The following HS1BP3 variants were observed in gnomAD, a reference collection of about 807,000 sequenced individuals.
HS1BP3 encodes HCLS1 binding protein 3.
HS1BP3 carries 32 observed loss-of-function variants against 33.5 expected under a neutral mutation model. The observed-to-expected ratio is 0.95, with a 90% CI of 0.72 to 1.28. The LOEUF is 1.28. Ranked by LOEUF, HS1BP3 falls within the 50% of genes most tolerant of loss-of-function variation. HS1BP3 has a pLI of 0.00. For missense variants in HS1BP3, 486 were observed against 502.3 expected (o/e 0.97, Z 0.31); for synonymous variants, 187 against 209.2 (o/e 0.89, Z 0.92).
At chr2:20,640,813 C>T (rs1270005631) in intron 3 of HS1BP3, 160 bp downstream of exon 3, 1 of 698,096 alleles carries the variant, frequency 1.4e-6, no homozygotes, top group Non-Finnish European at 2.5e-6. Flanking sequence ...TTCTGCCCAC[C>T]ATCCAGCCAA....
chr2:20,631,516 CAAAAAAAAA>C (rs529653146), intron 4 of HS1BP3, among the ~76,000 whole-genome samples: 10 of 63,184 alleles, frequency 1.6e-4, no homozygotes, highest in African/African-American at 6.2e-4. Context: ...GAACCTGTCT[CAAAAAAAAA>C]AAAAAAAAAA....
rs200499318 is a variant in HS1BP3 at position 20,645,332 on chromosome 2, C to T, written c.198+8G>A. On this transcript the variant is annotated splice_region_variant and intron_variant, in intron 2 of 6. Coordinates refer to ENST00000304031, the MANE Select transcript of HS1BP3 (RefSeq NM_022460.4). The stretch of plus-strand genomic sequence containing the variant: ...CTCGAAACATCCTGGCCAGAGCCTC[C>T]GGCTCACCAAGAACTGGACGACATC... The T allele has an allele frequency of 2.9e-4, 470 of 1,612,038 alleles. 1 individual carries two copies. The highest frequency in any genetic ancestry group is 5.6e-4 in the South Asian group (51 of 90,828).
At chr2:20,631,955 C>T (rs1420495206) in intron 4 of HS1BP3, among the ~76,000 whole-genome samples, 2 of 152,228 alleles carry the variant, frequency 1.3e-5, no homozygotes, top group Non-Finnish European at 2.9e-5. Flanking sequence ...AGACCACAGC[C>T]TCTGCAGCAG....
chr2:20,606,509 A>C (rs1394290752), intron 2 of HS1BP3: 1 of 467,006 alleles, frequency 2.1e-6, no homozygotes, highest in Non-Finnish European at 4.3e-6. Flanking sequence ...TTTGTCAAAC[A>C]AAACTAAGTT....
chr2:20,624,018 A>G lies in HS1BP3; in HGVS notation c.798T>C (p.Phe266=). 6.2e-7 allele frequency: 1 copy of G among 1,612,112 alleles called. No individual in the cohort carries two copies. The change falls in exon 6 of 7, where the codon TTT becomes TTC. Residue 266 remains phenylalanine (F), a synonymous_variant. Transcript: ENST00000304031. ...DVSSVDPLKL[F]DDPDLGGAIP... is the part of the protein sequence containing the mutation. ...TGGCCCCGCCGAGGTCAGGATCATC[A>G]AATAGCTTCAGGGCTGTGGGAAGGC...
intron 2 of HS1BP3, among the ~76,000 whole-genome samples, chr2:20,609,421 A>G (rs943896224): frequency 6.8e-6 from 1 of 147,422 alleles, no homozygotes; most frequent in African/African-American, 2.5e-5. Context: ...CTCCTCCAGG[A>G]AAAGGCCTGT....
chr2:20,605,355 G>T (rs2149284281), intron 2 of HS1BP3, among the ~76,000 whole-genome samples: 1 of 152,166 alleles, frequency 6.6e-6, no homozygotes, highest in South Asian at 2.1e-4. Flanking sequence ...TGACTCCAAG[G>T]CCTCGGCCTG....
intron 2 of HS1BP3, among the ~76,000 whole-genome samples, chr2:20,607,958 G>A (rs563153942): frequency 1.3e-5 from 2 of 152,256 alleles, no homozygotes; most frequent in East Asian, 3.9e-4. Context: ...CAATGTTCAA[G>A]TCTTCCCCTC....
chr2:20,575,250 G>A (rs547393145), intron 5 of HS1BP3, among the ~76,000 whole-genome samples: 2 of 152,208 alleles, frequency 1.3e-5, no homozygotes, highest in African/African-American at 4.8e-5. Flanking sequence ...CTCGTTCCAA[G>A]GGTGAGGAGC....
downstream of HS1BP3, among the ~76,000 whole-genome samples, chr2:20,613,628 T>C (rs1331362454): frequency 6.6e-6 from 1 of 152,230 alleles, no homozygotes; most frequent in East Asian, 1.9e-4. Flanking sequence ...CAGCTTTTGA[T>C]AGAGAGAATT....
At chr2:20,634,002 C>T (rs1292245358) in intron 4 of HS1BP3, among the ~76,000 whole-genome samples, 1 of 152,240 alleles carries the variant, frequency 6.6e-6, no homozygotes, top group Non-Finnish European at 1.5e-5. Context: ...TGCACAGGTG[C>T]AGGGTGAGGT....
At chr2:20,624,103 C>T in intron 5 of HS1BP3, 72 bp from the exon 6 acceptor site, 1 of 1,540,680 alleles carries the variant, frequency 6.5e-7, no homozygotes, top group Non-Finnish European at 8.7e-7. Flanking sequence ...TCTCTCTCTG[C>T]CCCACCCCAG....
chr2:20,620,795 C>G (rs917210677), intron 6 of HS1BP3, among the ~76,000 whole-genome samples: 2 of 152,242 alleles, frequency 1.3e-5, no homozygotes, highest in African/African-American at 4.8e-5. Context: ...GTACTGATGT[C>G]TACTGACAGC....
At position 20,641,094 on chromosome 2, in the gene HS1BP3, C is replaced by T; in HGVS notation, c.285G>A (p.Arg95=). ...CAGACTCCCCAACAAACAGGACCTT[C>T]CTGGGTAGTGGGGGGAGGCTGGCTG... ...YAAASLPPLP[R]KVLFVGESDI... Residue 95 remains arginine (R), a synonymous_variant, in exon 3 of 7, where the codon AGG becomes AGA. Coordinates refer to ENST00000304031, the MANE Select transcript of HS1BP3 (RefSeq NM_022460.4). 1 of 1,613,928 alleles carries T rather than the reference C, an allele frequency of 6.2e-7. No individual in the cohort carries two copies. Among genetic ancestry groups the T allele is most frequent in the Non-Finnish European group, 8.5e-7 (1 of 1,180,018 alleles).
intron 6 of HS1BP3, among the ~76,000 whole-genome samples, 164 bp from the exon 7 acceptor site, chr2:20,619,409 C>T (rs1558337205): frequency 6.6e-6 from 1 of 152,186 alleles, no homozygotes; most frequent in East Asian, 1.9e-4. Context: ...ACTCTGGCCC[C>T]TCCACCCATC....
chr2:20,577,932 C>A (rs1693440364), intron 5 of HS1BP3, among the ~76,000 whole-genome samples: 1 of 152,250 alleles, frequency 6.6e-6, no homozygotes, highest in Non-Finnish European at 1.5e-5. Context: ...TGCCTCAGGG[C>A]ACTCGTTCCT....
chr2:20,587,430 A>G (rs1249055422), intron 5 of HS1BP3, among the ~76,000 whole-genome samples: 2 of 152,080 alleles, frequency 1.3e-5, no homozygotes, highest in Non-Finnish European at 2.9e-5. Flanking sequence ...TCTCCTGAGG[A>G]TGGTAGGGAT....
intron 2 of HS1BP3, among the ~76,000 whole-genome samples, chr2:20,642,961 G>A (rs1695403579): frequency 6.6e-6 from 1 of 152,170 alleles, no homozygotes; most frequent in Non-Finnish European, 1.5e-5. Context: ...CCCCTCCTGC[G>A]GCTGTTTTAC....
intron 4 of HS1BP3, among the ~76,000 whole-genome samples, chr2:20,625,305 A>C (rs1347932108): frequency 6.6e-6 from 1 of 152,240 alleles, no homozygotes; most frequent in East Asian, 1.9e-4. Context: ...GCTGCCAGAC[A>C]ACCCCAGCTC....
Sources: allele counts gnomAD v4.1 joint callset (sites outside exome capture counted in the v4.1 genomes callset), GRCh38; gene constraint gnomAD v4.1.1; transcripts MANE v1.5; gene names NCBI Gene and HGNC (gene_info 2026-07-23, HGNC 2026-07-21).